Variants in SH3BGRL observed in about 807,000 individuals in gnomAD.
The protein encoded by SH3BGRL is adapter SH3BGRL.
In SH3BGRL, 7 loss-of-function variants were observed where a neutral mutation model predicts 9.8. The observed-to-expected ratio is 0.72, with a 90% CI of 0.41 to 1.35. The LOEUF is 1.35. Among genes scored for constraint, SH3BGRL ranks in the 40% most tolerant of loss-of-function variants. SH3BGRL has a pLI of 0.01. For synonymous variants in SH3BGRL, 36 were observed against 29.1 expected, an observed-to-expected ratio of 1.24 and a Z score of -0.76; for missense variants, 73 against 84.4, an observed-to-expected ratio of 0.86 and a Z score of 0.53.
intron 1 of SH3BGRL, among the ~76,000 whole-genome samples, chrX:81,242,225 C>T (rs2075672405): frequency 1.8e-5 from 2 of 111,435 alleles, no homozygotes; most frequent in Non-Finnish European, 3.8e-5. Context: ...AAGCATAGAC[C>T]AATAGAACAG....
intron 1 of SH3BGRL, among the ~76,000 whole-genome samples, chrX:81,238,288 A>G (rs1025006681): frequency 8.9e-6 from 1 of 111,751 alleles, no homozygotes; most frequent in Non-Finnish European, 1.9e-5. Flanking sequence ...GTCTCAGGCC[A>G]GGCAACATTA....
intron 1 of SH3BGRL, among the ~76,000 whole-genome samples, chrX:81,220,761 A>G (rs1452023404): frequency 9.1e-6 from 1 of 109,916 alleles, no homozygotes; most frequent in Non-Finnish European, 1.9e-5. Flanking sequence ...ATAGCTATAA[A>G]CTTTTATTTT....
intron 1 of SH3BGRL, among the ~76,000 whole-genome samples, chrX:81,271,089 C>T (rs189699558): frequency 8.0e-5 from 9 of 112,010 alleles, no homozygotes; most frequent in Admixed American, 9.4e-5. Context: ...CGGCTGGTTG[C>T]GAAGACTTTA....
At chrX:81,255,291 T>C (rs1437677613) in intron 1 of SH3BGRL, among the ~76,000 whole-genome samples, 1 of 111,792 alleles carries the variant, frequency 8.9e-6, no homozygotes, top group African/African-American at 3.3e-5. Flanking sequence ...AGTTTTGAAA[T>C]GGGTGGCTAT....
intron 1 of SH3BGRL, among the ~76,000 whole-genome samples, chrX:81,270,319 A>T (rs2075774014): frequency 9.0e-6 from 1 of 110,747 alleles, no homozygotes. Flanking sequence ...GCAATTTTCC[A>T]CCTTTCTGCT....
intron 3 of SH3BGRL, among the ~76,000 whole-genome samples, chrX:81,279,701 C>T (rs758668283): frequency 1.1e-3 from 117 of 111,217 alleles, no homozygotes; most frequent in African/African-American, 3.2e-3. Flanking sequence ...GGTCCCCAGG[C>T]AGCTCATTTC....
chrX:81,257,225 G>T (rs1326739748), intron 1 of SH3BGRL, among the ~76,000 whole-genome samples: 3 of 111,755 alleles, frequency 2.7e-5, no homozygotes, highest in Non-Finnish European at 3.8e-5. Context: ...ACGATTCTGA[G>T]AGGTAGGTAT....
intron 3 of SH3BGRL, among the ~76,000 whole-genome samples, chrX:81,278,954 G>T (rs994601193): frequency 1.8e-5 from 2 of 112,253 alleles, no homozygotes; most frequent in Non-Finnish European, 3.8e-5. Flanking sequence ...AATAAAGAAA[G>T]CAACAATAAA....
At chrX:81,276,743 A>C (rs2075799348) in intron 1 of SH3BGRL, among the ~76,000 whole-genome samples, 1 of 111,218 alleles carries the variant, frequency 9.0e-6, no homozygotes, top group Admixed American at 9.6e-5. Context: ...TACATCATTA[A>C]ATAATGAAAA....
chrX:81,221,761 T>C (rs1406704683), intron 1 of SH3BGRL, among the ~76,000 whole-genome samples: 1 of 112,229 alleles, frequency 8.9e-6, no homozygotes, highest in Non-Finnish European at 1.9e-5. Flanking sequence ...AAAACAATGA[T>C]ATCTAGGTAG....
chrX:81,249,620 T>A (rs905102645), intron 1 of SH3BGRL, among the ~76,000 whole-genome samples: 2 of 112,216 alleles, frequency 1.8e-5, no homozygotes, highest in Non-Finnish European at 3.8e-5. Flanking sequence ...GTTTCCCTTT[T>A]TATGTAGTAT....
intron 1 of SH3BGRL, among the ~76,000 whole-genome samples, chrX:81,206,546 A>G (rs890448324): frequency 1.8e-5 from 2 of 111,751 alleles, no homozygotes; most frequent in Non-Finnish European, 3.8e-5. Flanking sequence ...CTTAACCACC[A>G]AGAAATGCAT....
intron 1 of SH3BGRL, among the ~76,000 whole-genome samples, chrX:81,226,237 TCTC>T (rs2075616237): frequency 9.0e-6 from 1 of 110,541 alleles, no homozygotes; most frequent in Non-Finnish European, 1.9e-5. Flanking sequence ...AAGTAAATCT[TCTC>T]CTTGCTATTA....
At chrX:81,294,651 C>T (rs773910050) in intron 3 of SH3BGRL, among the ~76,000 whole-genome samples, 4 of 111,106 alleles carry the variant, frequency 3.6e-5, no homozygotes, top group East Asian at 2.9e-4. Context: ...GAGTCCCTAC[C>T]GGGGCACCGC....
intron 3 of SH3BGRL, among the ~76,000 whole-genome samples, chrX:81,287,649 T>G (rs1440666308): frequency 9.1e-6 from 1 of 110,182 alleles, no homozygotes; most frequent in Non-Finnish European, 1.9e-5. Flanking sequence ...CCGGGACCTG[T>G]CTGTGGGTGG....
intron 1 of SH3BGRL, among the ~76,000 whole-genome samples, chrX:81,273,061 C>T (rs1475252904): frequency 1.8e-5 from 2 of 112,310 alleles, no homozygotes; most frequent in Non-Finnish European, 3.8e-5. Flanking sequence ...TTTTGTAATA[C>T]TGTACCTTCA....
At chrX:81,279,139 C>T (rs1452447689) in intron 3 of SH3BGRL, among the ~76,000 whole-genome samples, 1 of 111,874 alleles carries the variant, frequency 8.9e-6, no homozygotes, top group Non-Finnish European at 1.9e-5. Flanking sequence ...ACTCCAATTC[C>T]CTCTCCTATT....
At chrX:81,269,327 T>A (rs1043932829) in intron 1 of SH3BGRL, among the ~76,000 whole-genome samples, 2 of 111,779 alleles carry the variant, frequency 1.8e-5, no homozygotes, top group African/African-American at 6.5e-5. Flanking sequence ...GTCTTTATAA[T>A]TTGGCACGTT....
At chrX:81,263,373 T>A (rs2075746912) in intron 1 of SH3BGRL, among the ~76,000 whole-genome samples, 1 of 111,651 alleles carries the variant, frequency 9.0e-6, no homozygotes, top group African/African-American at 3.3e-5. Context: ...TAACTGTATG[T>A]GTTTCAATTC....
Sources: allele counts gnomAD v4.1 joint callset (sites outside exome capture counted in the v4.1 genomes callset), GRCh38; gene constraint gnomAD v4.1.1; transcripts MANE v1.5; gene names NCBI Gene and HGNC (gene_info 2026-07-23, HGNC 2026-07-21).